GNA15: variants seen among roughly 807,000 people sequenced by gnomAD.
The protein encoded by GNA15 is G protein subunit alpha 15, also known as guanine nucleotide-binding protein subunit alpha-15.
GNA15 carries 23 observed loss-of-function variants against 40.1 expected under a neutral mutation model. The observed-to-expected ratio is 0.57, with a 90% confidence interval of 0.41 to 0.81. GNA15 has a LOEUF of 0.81. Among genes scored for constraint, GNA15 ranks in the 40% least tolerant of loss-of-function variants. GNA15 has a pLI of 0.00. For synonymous variants in GNA15, 226 were observed against 210.4 expected (o/e 1.07, Z -0.64); for missense variants, 522 against 515.8 (o/e 1.01, Z -0.12).
chr19:3,149,978 A>G (rs1914837297), intron 2 of GNA15, 153 bp from the exon 3 acceptor site: 1 of 617,228 alleles, frequency 1.6e-6, no homozygotes, highest in African/African-American at 1.9e-5. Flanking sequence ...GACAAATCAG[A>G]AGTGTGCGGG....
rs117970889 is a variant in GNA15 at position 3,157,348 on chromosome 19, G to A, written c.745-380G>A. 2.0e-3 allele frequency among the ~76,000 whole-genome samples: 302 copies of A among 152,244 alleles called. 7 individuals are homozygous for A. The East Asian group carries it at 0.054, about 27-fold the overall frequency. On this transcript the variant is annotated intron_variant, in intron 5 of 6. Transcript: ENST00000262958. ...AGCAGTCACGGACTTGAGGGCCACC[G>A]TATTCTAGTATTGCCTCACCTTAAC...
rs1042681871 is a variant in GNA15 at position 3,151,331 on chromosome 19, T to A, written c.486-376T>A. Among the ~76,000 whole-genome samples the A allele has an allele frequency of 3.3e-5, 5 of 152,070 alleles. No individual in the cohort carries two copies. Among genetic ancestry groups the A allele is most frequent in the Non-Finnish European group, 7.4e-5 (5 of 67,970 alleles). ...GGGGGTGACCCTATTCCTAGTGGGA[T>A]CCTGTACTAGGTGTGATGGTGGATG... is the stretch of plus-strand genomic sequence containing the variant. On this transcript the variant is annotated intron_variant, in intron 3 of 6. Transcript: ENST00000262958. The surrounding 1 kb of genome is among the most constrained non-coding windows in gnomAD (Gnocchi z 5.0).
chr19:3,149,751 GGGCAGAT>G (rs1293488111), intron 2 of GNA15: 7 of 171,404 alleles, frequency 4.1e-5, no homozygotes, highest in Admixed American at 5.9e-5. Flanking sequence ...GACTTCTGAG[GGGCAGAT>G]TGCTTCAGTG....
At position 3,144,975 on chromosome 19, in the gene GNA15, C is replaced by T. The variant is rs144623559; in HGVS notation, c.146-3616C>T. Among the ~76,000 whole-genome samples, 459 of 151,272 alleles carry T rather than the reference C, an allele frequency of 3.0e-3. 3 individuals carry two copies. The highest frequency in any genetic ancestry group is 9.2e-3 in the African/African-American group (378 of 41,128). ...TCCTGTGTAGCTGGGATTACAGGTGCGCGCCACCATGCCCAGCTAATTTTT... is the reference window on the plus strand; with the variant it reads ...TCCTGTGTAGCTGGGATTACAGGTGTGCGCCACCATGCCCAGCTAATTTTT... On this transcript the variant is annotated intron_variant, in intron 1 of 6. Transcript: ENST00000262958.
intron 1 of GNA15, among the ~76,000 whole-genome samples, chr19:3,143,997 G>T (rs940621509): frequency 4.0e-5 from 6 of 151,894 alleles, no homozygotes; most frequent in Non-Finnish European, 4.4e-5. Context: ...GGTGGTGGGC[G>T]CCTGTCGTCC....
intron 6 of GNA15, among the ~76,000 whole-genome samples, chr19:3,158,659 TCACCCAGGCTGGAGTA>T (rs908871697): frequency 2.0e-5 from 3 of 152,106 alleles, no homozygotes; most frequent in African/African-American, 7.2e-5. Flanking sequence ...TCTCACTCTG[TCACCCAGGCTGGAGTA>T]CAGTGGTGCG....
rs1914467411 is a variant in GNA15, at chr19:3,136,735, G to A, written c.145+140G>A. Reference sequence around the variant, plus strand: ...GTCGCCTCCTCCCAGGGAATGGGGAGCCTGGAACCCATTTTCCAGATGAGA... The same window carrying A: ...GTCGCCTCCTCCCAGGGAATGGGGAACCTGGAACCCATTTTCCAGATGAGA... On this transcript the variant is annotated intron_variant, in intron 1 of 6. Transcript: ENST00000262958. The surrounding 1 kb of genome is among the most constrained non-coding windows in gnomAD (Gnocchi z 4.9). 1 of 763,168 alleles carries A rather than the reference G, an allele frequency of 1.3e-6. No homozygotes were observed. The highest frequency in any genetic ancestry group is 1.8e-5 in the African/African-American group (1 of 56,668). 47.3% of individuals were successfully genotyped at this position (763,168 alleles called of 1,614,324 possible).
At chr19:3,162,688 G>A (rs140354406) in intron 6 of GNA15, 105 bp from the exon 7 acceptor site, 3 of 693,630 alleles carry the variant, frequency 4.3e-6, no homozygotes, top group African/African-American at 3.6e-5. Flanking sequence ...TGACAGGCGC[G>A]ATCCCTGGGT....
chr19:3,162,793 G>T lies in GNA15; in HGVS notation c.899G>T (p.Gly300Val), dbSNP rs1446504412. ...HLATYFPSFQ[G>V]PKQDAEAAKR... ...CCCCCTTCCCACACTGTTTCCCCAG[G>T]CCCTAAGCAGGATGCTGAGGCAGCC... The change falls in exon 7 of 7, where the codon GGC (glycine) becomes GTC (valine). Residue 300 changes from glycine (G) to valine (V), a missense_variant and splice_region_variant. By Grantham distance (109) the Gly-to-Val change is moderately radical. Transcript: ENST00000262958. 2 of 1,608,742 alleles carry T rather than the reference G, an allele frequency of 1.2e-6. No individual in the cohort carries two copies.
intron 6 of GNA15, among the ~76,000 whole-genome samples, chr19:3,161,792 G>A (rs1915142073): frequency 6.6e-6 from 1 of 152,148 alleles, no homozygotes. Flanking sequence ...CCACACTTTG[G>A]GAGGCTGAGG....
At chr19:3,144,290 C>T (rs893405906) in intron 1 of GNA15, among the ~76,000 whole-genome samples, 3 of 152,040 alleles carry the variant, frequency 2.0e-5, no homozygotes, top group Non-Finnish European at 2.9e-5. Flanking sequence ...ACTTGATGGT[C>T]CCCCATAGTG....
At position 3,155,988 on chromosome 19, in the gene GNA15, G is replaced by A. The variant is rs374760457; in HGVS notation, c.744+36G>A. On this transcript the variant is annotated intron_variant, in intron 5 of 6. Coordinates refer to ENST00000262958, the MANE Select transcript of GNA15 (RefSeq NM_002068.4). The surrounding 1 kb of genome is among the most constrained non-coding windows in gnomAD (Gnocchi z 5.6). ...GCCTCCCTCGCCCTGCCCACTTGTT[G>A]GCCCAGGGACCCTCACCTGAGCAGG... The A allele has an allele frequency of 3.4e-4, 549 of 1,604,508 alleles. No individual in the cohort carries two copies. The highest frequency in any genetic ancestry group is 4.6e-4 in the Non-Finnish European group (534 of 1,172,818).
At chr19:3,142,526 G>A (rs914367539) in intron 1 of GNA15, 1 of 152,168 alleles carries the variant, frequency 6.6e-6, no homozygotes. Context: ...TGCACTTTGG[G>A]GCAAACTAAG....
chr19:3,144,816 C>T (rs1914671325), intron 1 of GNA15, among the ~76,000 whole-genome samples: 1 of 149,208 alleles, frequency 6.7e-6, no homozygotes, highest in Non-Finnish European at 1.5e-5. Context: ...GCGTGAGCCA[C>T]CGGGCCCGGC....
chr19:3,137,116 A>C (rs945507789), intron 1 of GNA15, among the ~76,000 whole-genome samples: 1 of 152,250 alleles, frequency 6.6e-6, no homozygotes, highest in African/African-American at 2.4e-5. Context: ...TTCATTCATT[A>C]TTCATTCATT....
chr19:3,157,101 G>A (rs558891911), intron 5 of GNA15, among the ~76,000 whole-genome samples: 2 of 151,566 alleles, frequency 1.3e-5, no homozygotes, highest in Admixed American at 6.6e-5. Flanking sequence ...GGGTTCAAGC[G>A]ATTTTCCTGC....
At chr19:3,149,393 TC>T (rs558721929) in intron 2 of GNA15, 109 of 153,004 alleles carry the variant, frequency 7.1e-4, no homozygotes, top group South Asian at 9.8e-4. Context: ...CTGCATGCAA[TC>T]CCCCCATGCA....
chr19:3,139,755 G>A (rs12972466), intron 1 of GNA15, among the ~76,000 whole-genome samples: 1 of 151,534 alleles, frequency 6.6e-6, no homozygotes, highest in Non-Finnish European at 1.5e-5. Flanking sequence ...AAAAATCAGG[G>A]CTGGGTGCGG....
At chr19:3,149,890 A>G in intron 2 of GNA15, 1 of 455,042 alleles carries the variant, frequency 2.2e-6, no homozygotes. Flanking sequence ...GGCTCGCCCG[A>G]GCACATGTGC....
Sources: allele counts gnomAD v4.1 joint callset (sites outside exome capture counted in the v4.1 genomes callset), GRCh38; gene constraint gnomAD v4.1.1; non-coding constraint Gnocchi (gnomAD v3.1); transcripts MANE v1.5; gene names NCBI Gene and HGNC (gene_info 2026-07-23, HGNC 2026-07-21).